The following FOSL2 variants were observed in gnomAD, a reference collection of about 807,000 sequenced individuals.
FOSL2 encodes the protein FOS like 2, AP-1 transcription factor subunit.
A neutral mutation model predicts 27.7 loss-of-function variants in FOSL2; 3 were observed. The ratio of observed to expected loss-of-function variants is 0.11; its 90% CI spans 0.05 to 0.28. The LOEUF is 0.28. Ranked by LOEUF, FOSL2 falls within the 10% of genes least tolerant of loss-of-function variation. The probability of loss-of-function intolerance (pLI) is 1.00; values close to 1 mark genes in which losing one functional copy is unlikely to be tolerated. For synonymous variants in FOSL2, 179 were observed against 190.1 expected, an observed-to-expected ratio of 0.94 and a Z score of 0.48; for missense variants, 333 against 445.1, an observed-to-expected ratio of 0.75 and a Z score of 2.27.
Position 28,417,162 on chromosome 2 carries a change from A to C in FOSL2, c.*4714A>C, listed in dbSNP as rs1664326348. 6.6e-6 allele frequency: 1 copy of C among 152,048 alleles called. No homozygotes were observed. The highest frequency in any genetic ancestry group is 1.5e-5 in the Non-Finnish European group (1 of 68,004). The allele number at this position is 152,048 out of a possible 1,614,324, so 9.4% of individuals were successfully genotyped here. On this transcript the variant is annotated 3_prime_UTR_variant, in exon 4 of 4. Transcript: ENST00000264716. Reference sequence around the variant, plus strand: ...TGTAATACAAGCCTACAGTATTTGCACTAAAGAAAGCTTGTTAGAAAAAGC... The same window carrying C: ...TGTAATACAAGCCTACAGTATTTGCCCTAAAGAAAGCTTGTTAGAAAAAGC...
Position 28,412,549 on chromosome 2 carries a change from G to T in FOSL2, c.*101G>T. On this transcript the variant is annotated 3_prime_UTR_variant, in exon 4 of 4. Coordinates refer to ENST00000264716, the MANE Select transcript of FOSL2 (RefSeq NM_005253.4). The surrounding 1 kb of genome is among the most constrained non-coding windows in gnomAD (Gnocchi z 7.1). ...GCTCCAGGGCCGTGAGGGCAAGAGG[G>T]GGACCTGCCACCAGGGAGCTTCCTG... 7.2e-7 allele frequency: 1 copy of T among 1,386,282 alleles called. No individual in the cohort carries two copies. The highest frequency in any genetic ancestry group is 1.4e-5 in the South Asian group (1 of 73,464). The allele number at this position is 1,386,282 out of a possible 1,614,324, so 85.9% of individuals were successfully genotyped here. A position where few individuals can be genotyped will look rare whatever the true frequency, so the allele number is the denominator to read the frequency against.
intron 1 of FOSL2, among the ~76,000 whole-genome samples, chr2:28,403,803 A>G (rs1166116054): frequency 6.6e-6 from 1 of 152,154 alleles, no homozygotes; most frequent in Non-Finnish European, 1.5e-5. Flanking sequence ...AGTGCTGGGG[A>G]CCACGTCTAT....
At chr2:28,398,939 A>G (rs1663916315) in intron 1 of FOSL2, among the ~76,000 whole-genome samples, 1 of 152,216 alleles carries the variant, frequency 6.6e-6, no homozygotes, top group Non-Finnish European at 1.5e-5. Context: ...ACTGGACCTC[A>G]GTGGGGATGT....
In FOSL2 at chr2:28,408,683, C is replaced by T. The variant is rs1382312203; in HGVS notation, c.355-76C>T. ...ATTTCCAGAAGGGCTTCTTGCCTTA[C>T]TTAAAATACAGTTTTTAAAAAATAC... On this transcript the variant is annotated intron_variant, in intron 2 of 3. Transcript: ENST00000264716. This position sits in a 1 kb window ranked among gnomAD's most constrained non-coding sequence, Gnocchi z 4.1. 4.5e-6 allele frequency: 5 copies of T among 1,111,966 alleles called. No homozygotes were observed. The highest frequency in any genetic ancestry group is 6.3e-6 in the Non-Finnish European group (5 of 791,342). 68.9% of individuals were successfully genotyped at this position (1,111,966 alleles called of 1,614,324 possible). A position where few individuals can be genotyped will look rare whatever the true frequency, so the allele number is the denominator to read the frequency against.
At chr2:28,411,418 T>C (rs1664196187) in intron 3 of FOSL2, among the ~76,000 whole-genome samples, 2 of 152,068 alleles carry the variant, frequency 1.3e-5, no homozygotes, top group Non-Finnish European at 2.9e-5. Context: ...CATGCAGATC[T>C]CTGCAGTACT....
Position 28,417,197 on chromosome 2 carries a change from T to C in FOSL2, c.*4749T>C, listed in dbSNP as rs1248383386. ...GCTTGTTAGAAAAAGCTTGCTGCTA[T>C]GGAAGAAAGAACATATTAAAACTTC... On this transcript the variant is annotated 3_prime_UTR_variant, in exon 4 of 4. Coordinates refer to ENST00000264716, the MANE Select transcript of FOSL2 (RefSeq NM_005253.4). 6.6e-6 allele frequency: 1 copy of C among 152,140 alleles called. No individual in the cohort carries two copies. Among genetic ancestry groups the C allele is most frequent in the African/African-American group, 2.4e-5 (1 of 41,412 alleles). The allele number at this position is 152,140 out of a possible 1,614,324, so 9.4% of individuals were successfully genotyped here.
chr2:28,393,946 A>G lies in FOSL2; in HGVS notation c.102+124A>G, dbSNP rs1011299591. 3.8e-5 allele frequency: 27 copies of G among 718,516 alleles called. No individual in the cohort carries two copies. The highest frequency in any genetic ancestry group is 1.2e-4 in the Admixed American group (4 of 33,580). 44.5% of individuals were successfully genotyped at this position (718,516 alleles called of 1,614,324 possible). ...AAAATACCTACGGGCCACCGTTGTA[A>G]GTTCTGGATTTTCGTCCTCCCCTTC... On this transcript the variant is annotated intron_variant, in intron 1 of 3. Coordinates refer to ENST00000264716, the MANE Select transcript of FOSL2 (RefSeq NM_005253.4). The surrounding 1 kb of genome is among the most constrained non-coding windows in gnomAD (Gnocchi z 4.6).
At chr2:28,405,049 G>A (rs1219113416) in intron 2 of FOSL2, among the ~76,000 whole-genome samples, 1 of 152,116 alleles carries the variant, frequency 6.6e-6, no homozygotes, top group Non-Finnish European at 1.5e-5. Context: ...TGGCTGGGGA[G>A]GGAAGCCAGA....
chr2:28,406,799 C>A (rs188165218), intron 2 of FOSL2, among the ~76,000 whole-genome samples: 1 of 152,230 alleles, frequency 6.6e-6, no homozygotes, highest in Non-Finnish European at 1.5e-5. Flanking sequence ...TTACTCCGGC[C>A]GTCCCCAGCC....
At chr2:28,410,286 T>C (rs1032087985) in intron 3 of FOSL2, among the ~76,000 whole-genome samples, 6 of 152,244 alleles carry the variant, frequency 3.9e-5, no homozygotes, top group African/African-American at 1.4e-4. Flanking sequence ...CTTTCTGTGA[T>C]TGGCACTTCA....
intron 3 of FOSL2, chr2:28,410,641 C>T (rs1676597365): frequency 3.6e-6 from 2 of 549,154 alleles, no homozygotes; most frequent in Admixed American, 6.3e-5. Context: ...TGGTGACACA[C>T]ACCTCTTCCC....
In FOSL2 at chr2:28,404,125, C is replaced by T; in HGVS notation, c.121C>T (p.Pro41Ser). The T allele has an allele frequency of 6.2e-7, 1 of 1,614,128 alleles. No individual in the cohort carries two copies. Among genetic ancestry groups the T allele is most frequent in the Non-Finnish European group, 8.5e-7 (1 of 1,180,000 alleles). The change falls in exon 2 of 4, where the codon CCT becomes TCT. Residue 41 changes from proline (P) to serine (S), a missense_variant. Pro to Ser is a moderately conservative substitution (Grantham distance 74). Coordinates refer to ENST00000264716, the MANE Select transcript of FOSL2 (RefSeq NM_005253.4). The surrounding 1 kb of genome is among the most constrained non-coding windows in gnomAD (Gnocchi z 4.7). ...GGQQKFRVDM[P>S]GSGSAFIPTI... ...ATTTCAGAAATTCCGGGTAGATATGCCTGGCTCAGGCAGTGCATTCATCCC... is the reference window on the plus strand; with the variant it reads ...ATTTCAGAAATTCCGGGTAGATATGTCTGGCTCAGGCAGTGCATTCATCCC...
chr2:28,415,425 G>A lies in FOSL2; in HGVS notation c.*2977G>A, dbSNP rs1173189854. The A allele has an allele frequency of 6.6e-6, 1 of 152,210 alleles. No homozygotes were observed. Among genetic ancestry groups the A allele is most frequent in the Non-Finnish European group, 1.5e-5 (1 of 68,056 alleles). The allele number at this position is 152,210 out of a possible 1,614,324, so 9.4% of individuals were successfully genotyped here. A position where few individuals can be genotyped will look rare whatever the true frequency, so the allele number is the denominator to read the frequency against. On this transcript the variant is annotated 3_prime_UTR_variant, in exon 4 of 4. Transcript: ENST00000264716. ...TTCAGAGTCAAACATCATTCTGCCT[G>A]TGTTGGGGGCCAGGTGTGTCACACA... is the stretch of plus-strand genomic sequence containing the variant.
At position 28,416,954 on chromosome 2, in the gene FOSL2, T is replaced by A. The variant is rs1401922369; in HGVS notation, c.*4506T>A. The A allele has an allele frequency of 2.0e-5, 3 of 150,920 alleles. No individual in the cohort carries two copies. The highest frequency in any genetic ancestry group is 4.4e-5 in the Non-Finnish European group (3 of 67,726). The allele number at this position is 150,920 out of a possible 1,614,324, so 9.3% of individuals were successfully genotyped here. ...TTTAATTACCTTTCTGGGCACTTTT[T>A]TTTTTTTTTTTTTTTTAAGTAATGG... On this transcript the variant is annotated 3_prime_UTR_variant, in exon 4 of 4. Coordinates refer to ENST00000264716, the MANE Select transcript of FOSL2 (RefSeq NM_005253.4).
chr2:28,407,116 A>G (rs1428926551), intron 2 of FOSL2, among the ~76,000 whole-genome samples: 1 of 152,174 alleles, frequency 6.6e-6, no homozygotes, highest in Non-Finnish European at 1.5e-5. Flanking sequence ...GAAGCAGCCA[A>G]GGGGGAAGGA....
At chr2:28,407,963 C>T (rs897308948) in intron 2 of FOSL2, among the ~76,000 whole-genome samples, 7 of 152,170 alleles carry the variant, frequency 4.6e-5, no homozygotes, top group Non-Finnish European at 7.3e-5. Context: ...TTGTTTGGTT[C>T]GCAGATAAAT....
At chr2:28,407,444 A>G (rs920042825) in intron 2 of FOSL2, among the ~76,000 whole-genome samples, 1 of 152,222 alleles carries the variant, frequency 6.6e-6, no homozygotes, top group Admixed American at 6.5e-5. Flanking sequence ...TTTGCTGTTC[A>G]AAACATCACA....
intron 1 of FOSL2, among the ~76,000 whole-genome samples, chr2:28,401,238 TAA>T (rs11377007): frequency 2.0e-4 from 29 of 141,636 alleles, no homozygotes; most frequent in Non-Finnish European, 2.0e-4. Flanking sequence ...CTTGGGGGTT[TAA>T]AAAAAAAAAA....
chr2:28,401,575 C>T (rs1279143225), intron 1 of FOSL2, among the ~76,000 whole-genome samples: 1 of 152,180 alleles, frequency 6.6e-6, no homozygotes, highest in African/African-American at 2.4e-5. Flanking sequence ...CCCTCCCATC[C>T]AGCAGCTCAG....
Sources: gnomAD v4.1 joint callset for allele counts (sites outside exome capture counted in the v4.1 genomes callset) on GRCh38, gnomAD v4.1.1 for gene constraint, Gnocchi (gnomAD v3.1) non-coding constraint, MANE v1.5 for transcripts, NCBI Gene and HGNC (gene_info 2026-07-23, HGNC 2026-07-21) for gene names.